Variants in PKIB observed in about 807,000 individuals in gnomAD.
PKIB encodes PKI-beta.
A neutral mutation model predicts 4.5 loss-of-function variants in PKIB; 2 were observed. The ratio of observed to expected loss-of-function variants is 0.44; its 90% CI spans 0.18 to 1.39. The LOEUF is 1.39. PKIB is among the 40% of genes most tolerant of loss of function. PKIB has a pLI of 0.27. For synonymous variants in PKIB, 38 were observed against 36.0 expected (o/e 1.06, Z -0.20); for missense variants, 94 against 92.6 (o/e 1.02, Z -0.06).
chr6:122,584,671 A>G (rs1773799587), intron 2 of PKIB, among the ~76,000 whole-genome samples: 1 of 152,194 alleles, frequency 6.6e-6, no homozygotes, highest in African/African-American at 2.4e-5. Context: ...TTTTATGCTT[A>G]GAAAAGTGGC....
chr6:122,699,746 T>G (rs1778721066), intron 3 of PKIB, among the ~76,000 whole-genome samples: 1 of 152,200 alleles, frequency 6.6e-6, no homozygotes, highest in Non-Finnish European at 1.5e-5. Context: ...GTGTCAAGAT[T>G]TAATCTAATT....
chr6:122,639,545 A>T (rs2114844646), intron 2 of PKIB, among the ~76,000 whole-genome samples: 1 of 152,296 alleles, frequency 6.6e-6, no homozygotes, highest in South Asian at 2.1e-4. Context: ...GTGAATCACT[A>T]GCATGGAAAT....
chr6:122,600,832 A>G (rs1175750467), intron 3 of PKIB, among the ~76,000 whole-genome samples: 1 of 152,172 alleles, frequency 6.6e-6, no homozygotes, highest in Non-Finnish European at 1.5e-5. Context: ...TAATGAAGAG[A>G]AAAAAACCAA....
intron 3 of PKIB, among the ~76,000 whole-genome samples, chr6:122,683,839 A>G (rs1777995134): frequency 1.3e-5 from 2 of 152,202 alleles, no homozygotes; most frequent in African/African-American, 4.8e-5. Flanking sequence ...TAAGGCTATG[A>G]TATGATCCAG....
At chr6:122,495,313 G>C (rs371252355) in intron 2 of PKIB, among the ~76,000 whole-genome samples, 1 of 151,942 alleles carries the variant, frequency 6.6e-6, no homozygotes, top group African/African-American at 2.4e-5. Flanking sequence ...TGCCTTCCTC[G>C]GTGGAAGGCC....
At chr6:122,682,735 C>T (rs1466477331) in intron 3 of PKIB, among the ~76,000 whole-genome samples, 3 of 152,158 alleles carry the variant, frequency 2.0e-5, no homozygotes, top group African/African-American at 7.2e-5. Flanking sequence ...GAGACTTCTG[C>T]TGTCTTCCAA....
In PKIB at chr6:122,725,449, A is replaced by G. The variant is rs1779919145; in HGVS notation, c.*254A>G. 5 of 402,904 alleles carry G rather than the reference A, an allele frequency of 1.2e-5. No individual in the cohort carries two copies. The highest frequency in any genetic ancestry group is 2.3e-5 in the Non-Finnish European group (5 of 221,076). 25.0% of individuals were successfully genotyped at this position (402,904 alleles called of 1,614,324 possible). On this transcript the variant is annotated 3_prime_UTR_variant, in exon 5 of 5. Coordinates refer to ENST00000368452, the MANE Select transcript of PKIB (RefSeq NM_181795.3). ...TTAAGAATAATACATGATCACAGAAATGCATACCACTGTCTGTAAACCCAA... is the reference window on the plus strand; with the variant it reads ...TTAAGAATAATACATGATCACAGAAGTGCATACCACTGTCTGTAAACCCAA...
At chr6:122,612,984 C>T (rs1457562937) in intron 1 of PKIB, among the ~76,000 whole-genome samples, 1 of 152,092 alleles carries the variant, frequency 6.6e-6, no homozygotes, top group Middle Eastern at 3.2e-3. Context: ...GGGAGAGGAA[C>T]CATTGCTTCT....
intron 2 of PKIB, among the ~76,000 whole-genome samples, chr6:122,523,764 C>T: frequency 6.6e-6 from 1 of 151,570 alleles, no homozygotes. Flanking sequence ...GCATGGGCAA[C>T]ACAGTGAAAC....
intron 2 of PKIB, chr6:122,481,436 A>T (rs760069566): frequency 1.5e-4 from 23 of 152,220 alleles, no homozygotes; most frequent in Admixed American, 9.2e-4. Flanking sequence ...AATACTAATA[A>T]ATAATTACTG....
intron 3 of PKIB, among the ~76,000 whole-genome samples, chr6:122,591,962 A>C (rs941457798): frequency 6.6e-6 from 1 of 151,426 alleles, no homozygotes; most frequent in African/African-American, 2.4e-5. Flanking sequence ...TAATGTCCTC[A>C]ACTGGGATTC....
intron 2 of PKIB, among the ~76,000 whole-genome samples, chr6:122,672,195 C>A (rs1777492766): frequency 6.6e-6 from 1 of 152,120 alleles, no homozygotes; most frequent in East Asian, 1.9e-4. Flanking sequence ...ATGTAGTTTT[C>A]CCTGAGAAGG....
chr6:122,498,147 A>G (rs1351308345), intron 2 of PKIB, among the ~76,000 whole-genome samples: 1 of 152,242 alleles, frequency 6.6e-6, no homozygotes, highest in Non-Finnish European at 1.5e-5. Flanking sequence ...TGATAAAGAC[A>G]TAACTGAGAC....
chr6:122,663,911 C>G (rs1358159012), intron 2 of PKIB, among the ~76,000 whole-genome samples: 1 of 152,114 alleles, frequency 6.6e-6, no homozygotes, highest in Non-Finnish European at 1.5e-5. Context: ...AGACCAATGC[C>G]TCAGAGAAAT....
intron 2 of PKIB, among the ~76,000 whole-genome samples, chr6:122,667,447 G>A (rs1777272367): frequency 6.6e-6 from 1 of 152,242 alleles, no homozygotes; most frequent in South Asian, 2.1e-4. Context: ...TGAGGCAGGA[G>A]GATGGCATGA....
intron 2 of PKIB, among the ~76,000 whole-genome samples, chr6:122,547,357 C>T (rs557002566): frequency 2.8e-4 from 43 of 152,046 alleles, no homozygotes; most frequent in Admixed American, 9.2e-4. Flanking sequence ...CTTTTCGAGA[C>T]GGAGTTTCAC....
intron 2 of PKIB, among the ~76,000 whole-genome samples, chr6:122,582,626 C>T (rs1773736549): frequency 6.6e-6 from 1 of 151,978 alleles, no homozygotes; most frequent in Non-Finnish European, 1.5e-5. Flanking sequence ...CTTTTCTATC[C>T]TATGTTCTTA....
chr6:122,504,773 CTG>C (rs754328904), intron 2 of PKIB, among the ~76,000 whole-genome samples: 5 of 152,174 alleles, frequency 3.3e-5, no homozygotes, highest in Non-Finnish European at 5.9e-5. Context: ...TTTTGCATAA[CTG>C]TAGTACATAA....
intron 1 of PKIB, among the ~76,000 whole-genome samples, chr6:122,611,609 G>T (rs1407324271): frequency 2.0e-5 from 3 of 152,082 alleles, no homozygotes; most frequent in African/African-American, 4.8e-5. Flanking sequence ...ATTTCTCTTC[G>T]TGTACAGATA....
Sources: gnomAD v4.1 joint callset for allele counts (sites outside exome capture counted in the v4.1 genomes callset) on GRCh38, gnomAD v4.1.1 for gene constraint, MANE v1.5 for transcripts, NCBI Gene and HGNC (gene_info 2026-07-23, HGNC 2026-07-21) for gene names.